The following MROH2B variants were observed in gnomAD, a reference collection of about 807,000 sequenced individuals.
The protein encoded by MROH2B is maestro heat-like repeat-containing protein family member 2B.
MROH2B carries 177 observed loss-of-function variants against 208.6 expected under a neutral mutation model. That is an observed-to-expected ratio of 0.85 (90% CI 0.75 to 0.96). The LOEUF (loss-of-function observed/expected upper bound fraction) is 0.96. Ranked by LOEUF, MROH2B falls within the 40% of genes least tolerant of loss-of-function variation. MROH2B has a pLI of 0.00. For missense variants in MROH2B, 2,002 were observed against 1,878.7 expected, an observed-to-expected ratio of 1.07 and a Z score of -1.21; for synonymous variants, 728 against 659.0, an observed-to-expected ratio of 1.10 and a Z score of -1.60.
intron 27 of MROH2B, 34 bp from the exon 28 acceptor site, chr5:41,018,004 G>A (rs1368258551): frequency 6.4e-7 from 1 of 1,559,212 alleles, no homozygotes; most frequent in Admixed American, 1.9e-5. Context: ...ATTGTGATGG[G>A]GTAGCTTGGT....
intron 2 of MROH2B, among the ~76,000 whole-genome samples, chr5:41,069,097 CTT>C (rs1743900259): frequency 6.6e-6 from 1 of 152,122 alleles, no homozygotes; most frequent in Admixed American, 6.6e-5. Flanking sequence ...AGTCATGTAA[CTT>C]CTCTCTGCCT....
At chr5:41,000,933 G>T in intron 37 of MROH2B, 100 bp from the exon 38 acceptor site, 1 of 1,334,654 alleles carries the variant, frequency 7.5e-7, no homozygotes, top group Non-Finnish European at 1.0e-6. Context: ...TTCAGCAAAA[G>T]AAGGCTGGAA....
chr5:41,016,482 C>A (rs1345137077), intron 28 of MROH2B, among the ~76,000 whole-genome samples: 1 of 129,240 alleles, frequency 7.7e-6, no homozygotes, highest in African/African-American at 2.9e-5. Context: ...TGGCATATTT[C>A]TGTTACTACT....
intron 18 of MROH2B, among the ~76,000 whole-genome samples, chr5:41,044,275 G>A (rs1182570881): frequency 6.7e-6 from 1 of 149,924 alleles, no homozygotes; most frequent in Non-Finnish European, 1.5e-5. Flanking sequence ...AATGCATCAT[G>A]TACCAGCCAA....
At chr5:41,054,899 G>A in intron 10 of MROH2B, 59 bp from the exon 11 acceptor site, 1 of 1,208,424 alleles carries the variant, frequency 8.3e-7, no homozygotes, top group Non-Finnish European at 1.2e-6. Context: ...GTATGTTCTA[G>A]GATTGATGAA....
intron 4 of MROH2B, 54 bp from the exon 5 acceptor site, chr5:41,064,624 G>GTCACAGAACCCCAAA: frequency 2.9e-6 from 4 of 1,380,216 alleles, no homozygotes; most frequent in South Asian, 1.2e-5. Flanking sequence ...CAAATTTGGG[G>GTCACAGAACCCCAAA]TTCTGTGACT....
At chr5:41,060,732 G>A (rs1055929509) in intron 6 of MROH2B, among the ~76,000 whole-genome samples, 1 of 152,196 alleles carries the variant, frequency 6.6e-6, no homozygotes, top group Non-Finnish European at 1.5e-5. Flanking sequence ...GGAGCAAGGA[G>A]AGTAGTCGTT....
chr5:41,001,291 G>A (rs1741388920), intron 37 of MROH2B, among the ~76,000 whole-genome samples: 1 of 152,142 alleles, frequency 6.6e-6, no homozygotes, highest in African/African-American at 2.4e-5. Context: ...GGGATTACAG[G>A]CAGCTTGGGA....
chr5:41,068,938 G>A (rs1401259590), intron 2 of MROH2B, among the ~76,000 whole-genome samples: 2 of 152,154 alleles, frequency 1.3e-5, no homozygotes, highest in Non-Finnish European at 2.9e-5. Context: ...TCTAATATAT[G>A]GTCAGGGTTG....
chr5:41,052,694 G>C (rs1743322858), intron 11 of MROH2B, 107 bp from the exon 12 acceptor site: 1 of 1,087,946 alleles, frequency 9.2e-7, no homozygotes, highest in Non-Finnish European at 1.2e-6. Flanking sequence ...GAACATTTTT[G>C]AAAAAGGAAC....
chr5:41,030,471 G>C (rs1432378750), intron 24 of MROH2B, among the ~76,000 whole-genome samples: 1 of 151,988 alleles, frequency 6.6e-6, no homozygotes, highest in Non-Finnish European at 1.5e-5. Context: ...AGAAATCATA[G>C]ATGACACAAA....
At chr5:41,033,486 T>C in intron 22 of MROH2B, among the ~76,000 whole-genome samples, 1 of 152,166 alleles carries the variant, frequency 6.6e-6, no homozygotes. Context: ...ACAGAAATAA[T>C]AGTTATAGTT....
chr5:41,051,886 A>G (rs1376094712), intron 12 of MROH2B, among the ~76,000 whole-genome samples: 10 of 152,184 alleles, frequency 6.6e-5, no homozygotes, highest in Admixed American at 6.5e-4. Context: ...GCTTTTTCTC[A>G]TTCATATAAC....
intron 9 of MROH2B, among the ~76,000 whole-genome samples, chr5:41,056,750 A>G (rs916847909): frequency 6.7e-6 from 1 of 150,110 alleles, no homozygotes; most frequent in African/African-American, 2.5e-5. Flanking sequence ...TTGGTTTGAC[A>G]CAGACTCAAA....
At chr5:41,005,414 C>G (rs72635301) in intron 35 of MROH2B, 117 bp downstream of exon 35, 7,360 of 58,142 alleles carry the variant, frequency 0.13, 529 homozygotes, top group African/African-American at 0.22. Context: ...CTCTATGAAA[C>G]CCCCCCCCCC....
In MROH2B at chr5:41,004,399, C is replaced by A. The variant is rs1741501170; in HGVS notation, c.4141G>T (p.Val1381Leu). The A allele has an allele frequency of 1.9e-6, 3 of 1,613,972 alleles. No individual in the cohort carries two copies. The highest frequency in any genetic ancestry group is 2.5e-6 in the Non-Finnish European group (3 of 1,179,866). Reference protein sequence around the residue: ...KILELLTDRDVSFYFKEIVLQ... With the variant: ...KILELLTDRDLSFYFKEIVLQ... ...ACTATTTCCTTGAAGTAGAAGCTCA[C>A]GTCTCGGTCTGTCAGCAGCTCCAGG... Residue 1381 changes from valine to leucine, a missense_variant, in exon 37 of 42, where the codon GTG becomes TTG. Transcript: ENST00000399564.
chr5:41,069,580 C>T lies in MROH2B; in HGVS notation c.90+111G>A, dbSNP rs1279344196. On this transcript the variant is annotated intron_variant, in intron 2 of 41. Coordinates refer to ENST00000399564, the MANE Select transcript of MROH2B (RefSeq NM_173489.5). Reference sequence around the variant, plus strand: ...CTGCATTTACTGAAAAATCTAATGCCATGTAACAAGCCAGAGAAAAATGAG... The same window carrying T: ...CTGCATTTACTGAAAAATCTAATGCTATGTAACAAGCCAGAGAAAAATGAG... 3.8e-6 allele frequency: 3 copies of T among 782,260 alleles called. No homozygotes were observed. The East Asian group carries it at 8.2e-5, about 21-fold the overall frequency. The allele number at this position is 782,260 out of a possible 1,614,324, so 48.5% of individuals were successfully genotyped here.
intron 19 of MROH2B, among the ~76,000 whole-genome samples, chr5:41,040,786 C>T (rs961973775): frequency 2.6e-5 from 4 of 152,098 alleles, no homozygotes; most frequent in African/African-American, 4.8e-5. Flanking sequence ...TTGCCTCAGC[C>T]TCCCGAGTAG....
At chr5:41,016,498 G>GCTTTTTTTT (rs1741953767) in intron 28 of MROH2B, among the ~76,000 whole-genome samples, 1 of 80,778 alleles carries the variant, frequency 1.2e-5, no homozygotes, top group African/African-American at 5.0e-5. Context: ...CTACTGTAAT[G>GCTTTTTTTT]TTTTTTTTTT....
Sources: allele counts gnomAD v4.1 joint callset (sites outside exome capture counted in the v4.1 genomes callset), GRCh38; gene constraint gnomAD v4.1.1; transcripts MANE v1.5; gene names NCBI Gene and HGNC (gene_info 2026-07-23, HGNC 2026-07-21).